Variants in FREM2 observed in about 807,000 individuals in gnomAD.
FREM2 encodes FRAS1 related extracellular matrix 2, also known as FRAS1-related extracellular matrix protein 2.
A neutral mutation model predicts 219.9 loss-of-function variants in FREM2; 119 were observed. The observed-to-expected ratio is 0.54, with a 90% CI of 0.47 to 0.63. FREM2 has a LOEUF of 0.63. Among genes scored for constraint, FREM2 ranks in the 30% least tolerant of loss-of-function variants. The pLI, the probability that FREM2 is intolerant of heterozygous loss-of-function variation, is 0.00. For missense variants in FREM2, 4,030 were observed against 3,993.6 expected (o/e 1.01, Z -0.25); for synonymous variants, 1,562 against 1,522.8 (o/e 1.03, Z -0.60).
chr13:38,709,457 A>G lies in FREM2; in HGVS notation c.5263+11670A>G, dbSNP rs138539112. Among the ~76,000 whole-genome samples the G allele has an allele frequency of 4.3e-3, 656 of 152,240 alleles. 11 individuals carry two copies. The highest frequency in any genetic ancestry group is 0.015 in the African/African-American group (614 of 41,546). On this transcript the variant is annotated intron_variant, in intron 2 of 23. Coordinates refer to ENST00000280481, the MANE Select transcript of FREM2 (RefSeq NM_207361.6). ...TAACTGTGTAAATATATAGACACATACATGTATACAAATACATAATTGCTT... is the reference window on the plus strand; with the variant it reads ...TAACTGTGTAAATATATAGACACATGCATGTATACAAATACATAATTGCTT...
chr13:38,728,940 A>G (rs901421087), intron 2 of FREM2, among the ~76,000 whole-genome samples: 3 of 152,080 alleles, frequency 2.0e-5, no homozygotes, highest in Non-Finnish European at 2.9e-5. Context: ...GGATCAAGCA[A>G]TTCTCCTGCC....
At chr13:38,707,469 A>G (rs1035930919) in intron 2 of FREM2, among the ~76,000 whole-genome samples, 6 of 152,166 alleles carry the variant, frequency 3.9e-5, no homozygotes, top group African/African-American at 1.4e-4. Flanking sequence ...TGAGGACACA[A>G]TTGTCCTCTT....
intron 6 of FREM2, among the ~76,000 whole-genome samples, chr13:38,811,747 G>T (rs1875483775): frequency 1.3e-5 from 2 of 152,082 alleles, no homozygotes; most frequent in Admixed American, 6.6e-5. Context: ...AATGATTCCT[G>T]TTCTGAGGAG....
rs369774851 is a variant in FREM2 at position 38,688,741 on chromosome 13, A to T, written c.1397A>T (p.Gln466Leu). The change falls in exon 1 of 24, where the codon CAA (glutamine) becomes CTA (leucine). Residue 466 changes from glutamine (Q) to leucine (L), a missense_variant. Physicochemically the swap from Gln to Leu is moderately radical, Grantham distance 113. Transcript: ENST00000280481. ...ACAGGCCCTGCAGGCAGTGGTCCGC[A>T]AAACTTGGTCATCAGCGATGAGGAT... ...PLTGPAGSGP[Q>L]NLVISDEDDL... 33 of 1,613,904 alleles carry T rather than the reference A, an allele frequency of 2.0e-5. No individual in the cohort carries two copies. The highest frequency in any genetic ancestry group is 2.7e-5 in the Non-Finnish European group (32 of 1,179,932).
At chr13:38,759,017 A>C (rs982808399) in intron 2 of FREM2, among the ~76,000 whole-genome samples, 4 of 152,212 alleles carry the variant, frequency 2.6e-5, no homozygotes, top group Admixed American at 6.5e-5. Flanking sequence ...TGGTCAGCAG[A>C]GTGACACCAT....
chr13:38,830,367 C>T (rs921904618), intron 6 of FREM2, among the ~76,000 whole-genome samples: 1 of 152,190 alleles, frequency 6.6e-6, no homozygotes, highest in Non-Finnish European at 1.5e-5. Context: ...ATTTCTGAAG[C>T]TCTTCTAGAA....
In FREM2 at chr13:38,881,868, T is replaced by C. The variant is rs1878562068; in HGVS notation, c.*1081T>C. ...ACACAATAACATTTAGAACTTAAATTGGCTACAGGACATTTTATTAGCTTT... is the reference window on the plus strand; with the variant it reads ...ACACAATAACATTTAGAACTTAAATCGGCTACAGGACATTTTATTAGCTTT... On this transcript the variant is annotated 3_prime_UTR_variant, in exon 24 of 24. Coordinates refer to ENST00000280481, the MANE Select transcript of FREM2 (RefSeq NM_207361.6). The C allele has an allele frequency of 6.6e-6, 1 of 152,176 alleles. No homozygotes were observed. Among genetic ancestry groups the C allele is most frequent in the Non-Finnish European group, 1.5e-5 (1 of 68,034 alleles). 9.4% of individuals were successfully genotyped at this position (152,176 alleles called of 1,614,324 possible).
At chr13:38,716,983 T>C (rs1871029855) in intron 2 of FREM2, among the ~76,000 whole-genome samples, 1 of 152,206 alleles carries the variant, frequency 6.6e-6, no homozygotes, top group East Asian at 1.9e-4. Context: ...ATACCTTCAT[T>C]TGGAACCAAG....
chr13:38,690,446 G>A lies in FREM2; in HGVS notation c.3102G>A (p.Leu1034=), dbSNP rs1869780240. The change falls in exon 1 of 24, where the codon CTG becomes CTA. Residue 1034 remains leucine, a synonymous_variant. Coordinates refer to ENST00000280481, the MANE Select transcript of FREM2 (RefSeq NM_207361.6). ...GLLPKADSFN[L]SLSDMSQEWR... ...TGCCTAAAGCGGATTCTTTTAACCT[G>A]AGTCTGTCAGATATGTCTCAAGAAT... The A allele has an allele frequency of 1.2e-6, 2 of 1,614,070 alleles. No homozygotes were observed. Among genetic ancestry groups the A allele is most frequent in the East Asian group, 2.2e-5 (1 of 44,894 alleles).
intron 6 of FREM2, among the ~76,000 whole-genome samples, chr13:38,814,634 A>G (rs1255375281): frequency 6.6e-6 from 1 of 152,172 alleles, no homozygotes; most frequent in Non-Finnish European, 1.5e-5. Flanking sequence ...GCCTTGCCCA[A>G]GGCCCTTCAC....
intron 12 of FREM2, 23 bp from the exon 13 acceptor site, chr13:38,857,852 T>C (rs770581503): frequency 1.2e-6 from 2 of 1,600,864 alleles, no homozygotes; most frequent in Non-Finnish European, 1.7e-6. Context: ...CACTAATCAG[T>C]GATAATTGTC....
At chr13:38,749,457 A>C (rs1453657554) in intron 2 of FREM2, among the ~76,000 whole-genome samples, 1 of 152,204 alleles carries the variant, frequency 6.6e-6, no homozygotes, top group Admixed American at 6.5e-5. Context: ...TACCAAGAAA[A>C]GTCAGATCAT....
intron 14 of FREM2, 125 bp from the exon 15 acceptor site, chr13:38,861,306 C>T: frequency 1.1e-6 from 1 of 908,044 alleles, no homozygotes; most frequent in Non-Finnish European, 1.7e-6. Flanking sequence ...CACTCTTAGC[C>T]ATGCCCTACT....
chr13:38,798,772 T>A (rs1053679453), intron 6 of FREM2, among the ~76,000 whole-genome samples: 1 of 152,096 alleles, frequency 6.6e-6, no homozygotes, highest in African/African-American at 2.4e-5. Flanking sequence ...TTGTTCATAA[T>A]AGTCTCTGAT....
intron 8 of FREM2, 59 bp downstream of exon 8, chr13:38,848,729 A>C: frequency 7.3e-7 from 1 of 1,361,956 alleles, no homozygotes; most frequent in Non-Finnish European, 1.0e-6. Context: ...GCTAAGGTTT[A>C]TGTATATATG....
rs1028558232 is a variant in FREM2, at chr13:38,883,855, T to C, written c.*3068T>C. 6.6e-6 allele frequency: 1 copy of C among 152,178 alleles called. No individual in the cohort carries two copies. Among genetic ancestry groups the C allele is most frequent in the African/African-American group, 2.4e-5 (1 of 41,436 alleles). The allele number at this position is 152,178 out of a possible 1,614,324, so 9.4% of individuals were successfully genotyped here. On this transcript the variant is annotated 3_prime_UTR_variant, in exon 24 of 24. Transcript: ENST00000280481. ...GTTTGTCTAAAAGAGCCCTACTGGGTATGGATCATTCTGATGACAGATTTA... is the reference window on the plus strand; with the variant it reads ...GTTTGTCTAAAAGAGCCCTACTGGGCATGGATCATTCTGATGACAGATTTA...
In FREM2 at chr13:38,779,945, T is replaced by C. The variant is rs945020942; in HGVS notation, c.5642-3125T>C. Among the ~76,000 whole-genome samples the C allele has an allele frequency of 2.0e-5, 3 of 152,194 alleles. No homozygotes were observed. The East Asian group carries it at 5.8e-4, about 29-fold the overall frequency. ...TCATCCCTAGGACTTTTTCTCAGCC[T>C]CATTTGCTCGGTTTTCTTTATCTCC... On this transcript the variant is annotated intron_variant, in intron 4 of 23. Transcript: ENST00000280481.
chr13:38,733,787 C>T (rs1204760955), intron 2 of FREM2, among the ~76,000 whole-genome samples: 1 of 152,166 alleles, frequency 6.6e-6, no homozygotes, highest in African/African-American at 2.4e-5. Context: ...GGATTATAGT[C>T]ATGAGCCTCC....
chr13:38,784,917 AT>A, intron 6 of FREM2, 109 bp downstream of exon 6: 1 of 1,215,292 alleles, frequency 8.2e-7, no homozygotes. Context: ...ATACACATTT[AT>A]TTTATGTTTG....
Sources: gnomAD v4.1 joint callset for allele counts (sites outside exome capture counted in the v4.1 genomes callset) on GRCh38, gnomAD v4.1.1 for gene constraint, MANE v1.5 for transcripts, NCBI Gene and HGNC (gene_info 2026-07-23, HGNC 2026-07-21) for gene names.